DOCK11: variants seen among roughly 807,000 people sequenced by gnomAD.
DOCK11 encodes dedicator of cytokinesis protein 11.
Under a neutral mutation model 169.1 loss-of-function variants are expected in DOCK11, and 70 were observed. That is an observed-to-expected ratio of 0.41 (90% CI 0.34 to 0.51). The LOEUF is 0.51. Among genes scored for constraint, DOCK11 ranks in the 20% least tolerant of loss-of-function variants. The pLI is 0.10. For missense variants in DOCK11, 1,166 were observed against 1,538.8 expected, an observed-to-expected ratio of 0.76 and a Z score of 4.05; for synonymous variants, 529 against 541.3, an observed-to-expected ratio of 0.98 and a Z score of 0.32.
intron 16 of DOCK11, among the ~76,000 whole-genome samples, chrX:118,586,820 T>C (rs1307869127): frequency 8.9e-6 from 1 of 111,865 alleles, no homozygotes; most frequent in Non-Finnish European, 1.9e-5. Flanking sequence ...TAGTGTAGTA[T>C]GTGATGGGAA....
chrX:118,566,313 T>C, intron 8 of DOCK11, 131 bp downstream of exon 8: 1 of 648,177 alleles, frequency 1.5e-6, no homozygotes. Context: ...AATAAGTGAC[T>C]GTGGAGGTTG....
intron 52 of DOCK11, 36 bp downstream of exon 52, chrX:118,683,253 C>T (rs1480334341): frequency 8.5e-7 from 1 of 1,171,161 alleles, no homozygotes; most frequent in Non-Finnish European, 1.1e-6. Flanking sequence ...AAAACATGAT[C>T]TGCGGGTCCC....
At chrX:118,503,190 G>C (rs750822915) in intron 1 of DOCK11, among the ~76,000 whole-genome samples, 45 of 108,419 alleles carry the variant, frequency 4.2e-4, no homozygotes, top group Non-Finnish European at 7.4e-4. Flanking sequence ...CTCCTGAGTA[G>C]CTGGGATTAC....
rs2013889369 is a variant in DOCK11 at position 118,588,589 on chromosome X, C to A, written c.2046+111C>A. 5.5e-5 allele frequency: 31 copies of A among 559,825 alleles called. No individual in the cohort carries two copies. The South Asian group carries it at 1.7e-3, about 30-fold the overall frequency. The allele number at this position is 559,825 out of a possible 1,213,427, so 46.1% of individuals were successfully genotyped here. On this transcript the variant is annotated intron_variant, in intron 18 of 52. Transcript: ENST00000276202. ...GTATCAACATCAAAAAGAAAATGTTCTAAAGTGACAAATGTAATACTTTCT... is the reference window on the plus strand; with the variant it reads ...GTATCAACATCAAAAAGAAAATGTTATAAAGTGACAAATGTAATACTTTCT...
chrX:118,637,220 A>G (rs1468245221), intron 36 of DOCK11, among the ~76,000 whole-genome samples: 1 of 110,385 alleles, frequency 9.1e-6, no homozygotes, highest in Admixed American at 9.7e-5. Context: ...TTAGAAACAC[A>G]GGGGTAGGGA....
chrX:118,545,996 A>G, intron 5 of DOCK11, 25 bp from the exon 6 acceptor site: 2 of 1,100,684 alleles, frequency 1.8e-6, no homozygotes, highest in Non-Finnish European at 2.5e-6. Context: ...CTGTTGTTTT[A>G]CTGATAATTT....
chrX:118,647,905 T>C (rs1253276320), intron 40 of DOCK11, among the ~76,000 whole-genome samples: 1 of 52,746 alleles, frequency 1.9e-5, no homozygotes, highest in Non-Finnish European at 3.0e-5. Flanking sequence ...TCATGTATTA[T>C]ATATTATAAT....
intron 1 of DOCK11, among the ~76,000 whole-genome samples, chrX:118,528,713 G>C (rs1169972006): frequency 2.8e-5 from 3 of 108,428 alleles, no homozygotes; most frequent in Non-Finnish European, 5.7e-5. Context: ...AGCTAGTCTA[G>C]GCTTTTGGGT....
intron 41 of DOCK11, among the ~76,000 whole-genome samples, chrX:118,650,988 A>G (rs73589108): frequency 3.6e-4 from 40 of 112,042 alleles, no homozygotes; most frequent in African/African-American, 1.3e-3. Flanking sequence ...TGAATTATTG[A>G]TAAAGTCAAG....
chrX:118,537,224 TG>T (rs1195392182), intron 1 of DOCK11, among the ~76,000 whole-genome samples: 1 of 111,397 alleles, frequency 9.0e-6, no homozygotes, highest in Non-Finnish European at 1.9e-5. Flanking sequence ...GTTTGGAGGA[TG>T]GGGTGGTGGT....
chrX:118,516,018 T>TATATATATATATAC (rs1269373292), intron 1 of DOCK11, among the ~76,000 whole-genome samples: 3 of 81,499 alleles, frequency 3.7e-5, no homozygotes, highest in Non-Finnish European at 6.9e-5. Flanking sequence ...TATATATATA[T>TATATATATATATAC]ACATTCTTAC....
chrX:118,544,645 C>CTTTT lies in DOCK11; in HGVS notation c.393-649_393-646dup, dbSNP rs1157804079. 3.0e-3 allele frequency among the ~76,000 whole-genome samples: 71 copies of CTTTT among 23,361 alleles called. 18 individuals carry two copies. Among genetic ancestry groups the CTTTT allele is most frequent in the Non-Finnish European group, 3.6e-3 (50 of 13,898 alleles). 20.3% of individuals were successfully genotyped at this position (23,361 alleles called of 115,157 possible). A position where few individuals can be genotyped will look rare whatever the true frequency, so the allele number is the denominator to read the frequency against. ...TGCAAGAGCCAGAATTACACTGTTG[C>CTTTT]TTTTTTTTTTTTTTTTTTTTTTTTT... On this transcript the variant is annotated intron_variant, in intron 4 of 52. Coordinates refer to ENST00000276202, the MANE Select transcript of DOCK11 (RefSeq NM_144658.4).
At chrX:118,620,064 C>G (rs1406526509) in intron 31 of DOCK11, among the ~76,000 whole-genome samples, 1 of 110,760 alleles carries the variant, frequency 9.0e-6, no homozygotes, top group Non-Finnish European at 1.9e-5. Flanking sequence ...GATCCGCCCC[C>G]CTCAGTCTCC....
intron 50 of DOCK11, among the ~76,000 whole-genome samples, chrX:118,681,466 G>A (rs1350211799): frequency 8.9e-6 from 1 of 112,425 alleles, no homozygotes. Context: ...TGACTGTAGC[G>A]AAGCCCTGTA....
At chrX:118,520,399 G>A (rs1293139934) in intron 1 of DOCK11, among the ~76,000 whole-genome samples, 1 of 112,474 alleles carries the variant, frequency 8.9e-6, no homozygotes, top group Non-Finnish European at 1.9e-5. Context: ...ACTGCCTCAT[G>A]GTTACACATG....
chrX:118,685,740 T>C lies in DOCK11; in HGVS notation c.6155T>C (p.Val2052Ala). Residue 2052 changes from valine to alanine, a missense_variant, in exon 53 of 53, where the codon GTA (valine) becomes GCA (alanine). Coordinates refer to ENST00000276202, the MANE Select transcript of DOCK11 (RefSeq NM_144658.4). The stretch of plus-strand genomic sequence containing the variant: ...CCCTGGATGAGCAACACATTACATG[T>C]ATTTTGTGCAATTAGTGGTACATCA... ...HSPWMSNTLH[V>A]FCAISGTSSD... 1 of 1,211,265 alleles carries C rather than the reference T, an allele frequency of 8.3e-7. No homozygotes were observed.
chrX:118,562,469 T>C (rs764314155), intron 7 of DOCK11, among the ~76,000 whole-genome samples: 163 of 111,630 alleles, frequency 1.5e-3, no homozygotes, highest in Non-Finnish European at 2.5e-3. Flanking sequence ...TCCTAAGATA[T>C]AGTTTGGGTC....
chrX:118,524,793 A>G (rs2011338356), intron 1 of DOCK11, among the ~76,000 whole-genome samples: 1 of 111,434 alleles, frequency 9.0e-6, no homozygotes, highest in Non-Finnish European at 1.9e-5. Flanking sequence ...TGGGTAATGT[A>G]AAATGGTACA....
intron 23 of DOCK11, among the ~76,000 whole-genome samples, chrX:118,604,654 G>A (rs1431619788): frequency 9.7e-6 from 1 of 103,283 alleles, no homozygotes; most frequent in African/African-American, 3.5e-5. Flanking sequence ...ATATGATCAC[G>A]TTTCTTCTTT....
Sources: gnomAD v4.1 joint callset for allele counts (sites outside exome capture counted in the v4.1 genomes callset) on GRCh38, gnomAD v4.1.1 for gene constraint, MANE v1.5 for transcripts, NCBI Gene and HGNC (gene_info 2026-07-23, HGNC 2026-07-21) for gene names.